PLEKHG4B: variants seen among roughly 807,000 people sequenced by gnomAD.
The protein encoded by PLEKHG4B is pleckstrin homology and RhoGEF domain containing G4B.
Under a neutral mutation model 121.3 loss-of-function variants are expected in PLEKHG4B, and 111 were observed. The ratio of observed to expected loss-of-function variants is 0.92; its 90% CI spans 0.78 to 1.07. The LOEUF (loss-of-function observed/expected upper bound fraction) is 1.07. Among genes scored for constraint, PLEKHG4B ranks in the 50% least tolerant of loss-of-function variants. The probability of loss-of-function intolerance (pLI) is 0.00; values close to 1 mark genes in which losing one functional copy is unlikely to be tolerated. For missense variants in PLEKHG4B, 1,831 were observed against 1,757.8 expected (o/e 1.04, Z -0.74); for synonymous variants, 738 against 725.0 (o/e 1.02, Z -0.29).
intron 3 of PLEKHG4B, among the ~76,000 whole-genome samples, chr5:141,711 ATTTTTTTT>A (rs34273619): frequency 7.1e-5 from 9 of 127,552 alleles, no homozygotes; most frequent in African/African-American, 2.4e-4. Context: ...TAAATATTTC[ATTTTTTTT>A]TTTTTTTTTT....
intron 7 of PLEKHG4B, among the ~76,000 whole-genome samples, chr5:154,237 C>T (rs576786507): frequency 3.9e-5 from 6 of 152,278 alleles, no homozygotes; most frequent in Admixed American, 3.9e-4. Context: ...ATCTCCTGAC[C>T]TCATTATCCG....
rs1174005381 is a variant in PLEKHG4B, at chr5:173,022, G to A, written c.4176G>A (p.Lys1392=). ...EDLILFSKTQ[K]VEGSHDVYLY... ...TCATCCTGTTTAGCAAGACCCAGAA[G>A]GTGGAGGGCAGCCACGACGTCTACC... Residue 1392 remains lysine (K), a synonymous_variant, in exon 17 of 20, where the codon AAG becomes AAA. Coordinates refer to ENST00000637938, the MANE Select transcript of PLEKHG4B (RefSeq NM_052909.5). The A allele has an allele frequency of 6.2e-7, 1 of 1,614,150 alleles. No individual in the cohort carries two copies. Among genetic ancestry groups the A allele is most frequent in the Non-Finnish European group, 8.5e-7 (1 of 1,180,036 alleles).
At position 92,171 on chromosome 5, in the gene PLEKHG4B, G is replaced by A; in HGVS notation, c.-61G>A. On this transcript the variant is annotated 5_prime_UTR_variant, in exon 1 of 20. Coordinates refer to ENST00000637938, the MANE Select transcript of PLEKHG4B (RefSeq NM_052909.5). Reference sequence around the variant, plus strand: ...GCGGCGAAGGCGGCCTCGGCCCAGTGCACAGCGGGACCAGGCAGAGTTCGG... The same window carrying A: ...GCGGCGAAGGCGGCCTCGGCCCAGTACACAGCGGGACCAGGCAGAGTTCGG... The A allele has an allele frequency of 2.7e-6, 1 of 368,654 alleles. No homozygotes were observed. Among genetic ancestry groups the A allele is most frequent in the Non-Finnish European group, 4.8e-6 (1 of 207,390 alleles). 22.8% of individuals were successfully genotyped at this position (368,654 alleles called of 1,614,324 possible). A position where few individuals can be genotyped will look rare whatever the true frequency, so the allele number is the denominator to read the frequency against.
intron 13 of PLEKHG4B, among the ~76,000 whole-genome samples, chr5:165,041 C>CAG (rs1323967520): frequency 3.8e-5 from 3 of 78,362 alleles, no homozygotes; most frequent in African/African-American, 1.1e-4. Flanking sequence ...GGAGCTCACA[C>CAG]TAATGCTCTG....
At chr5:141,671 AAAGT>A (rs113559970) in intron 3 of PLEKHG4B, among the ~76,000 whole-genome samples, 12 of 152,176 alleles carry the variant, frequency 7.9e-5, no homozygotes, top group South Asian at 4.2e-4. Context: ...TGCAGGACAT[AAAGT>A]AAGAAAATAA....
chr5:164,747 C>T (rs530622151), intron 13 of PLEKHG4B, among the ~76,000 whole-genome samples: 3 of 130,264 alleles, frequency 2.3e-5, no homozygotes, highest in Non-Finnish European at 3.3e-5. Context: ...CGGGGCGGGG[C>T]TCACAGTAAT....
At chr5:117,738 A>C (rs1734345718) in intron 2 of PLEKHG4B, among the ~76,000 whole-genome samples, 2 of 152,180 alleles carry the variant, frequency 1.3e-5, no homozygotes. Context: ...CTGTAGTCCC[A>C]GCTACTCAGG....
At chr5:173,131 C>T in intron 17 of PLEKHG4B, 64 bp downstream of exon 17, 1 of 1,515,668 alleles carries the variant, frequency 6.6e-7, no homozygotes, top group Non-Finnish European at 9.1e-7. Context: ...GTCTCGGACC[C>T]TTGTCTCACC....
chr5:139,101 G>T lies in PLEKHG4B; in HGVS notation c.244-382G>T, dbSNP rs1387128977. Among the ~76,000 whole-genome samples, 1 of 152,200 alleles carries T rather than the reference G, an allele frequency of 6.6e-6. No homozygotes were observed. The highest frequency in any genetic ancestry group is 1.5e-5 in the Non-Finnish European group (1 of 68,028). ...CATAGGGTGGCCCTGACCAGGGCTG[G>T]CAGGGGCAAGTGTGGACGCCCGGCC... is the stretch of plus-strand genomic sequence containing the variant. On this transcript the variant is annotated intron_variant, in intron 2 of 19. Transcript: ENST00000637938. This position sits in a 1 kb window ranked among gnomAD's most constrained non-coding sequence, Gnocchi z 5.0.
At chr5:131,732 A>G (rs764489369) in intron 2 of PLEKHG4B, among the ~76,000 whole-genome samples, 92 of 152,322 alleles carry the variant, frequency 6.0e-4, no homozygotes, top group Non-Finnish European at 7.4e-4. Flanking sequence ...TCCCACCAAC[A>G]GTGTAAAAGT....
At chr5:143,281 T>G (rs751415794) in intron 4 of PLEKHG4B, 25 bp downstream of exon 4, 1 of 1,609,282 alleles carries the variant, frequency 6.2e-7, no homozygotes, top group Non-Finnish European at 8.5e-7. Flanking sequence ...CAGGCTCTCC[T>G]GTCAGGGCGG....
At chr5:142,557 C>T (rs1483831110) in intron 3 of PLEKHG4B, among the ~76,000 whole-genome samples, 3 of 151,968 alleles carry the variant, frequency 2.0e-5, no homozygotes, top group African/African-American at 7.2e-5. Context: ...AAATACCACA[C>T]ACACAGTCAC....
intron 1 of PLEKHG4B, among the ~76,000 whole-genome samples, chr5:109,397 CAAAAAA>C (rs34972342): frequency 3.4e-4 from 21 of 61,818 alleles, no homozygotes; most frequent in African/African-American, 1.6e-3. Context: ...ACTCTGTCTC[CAAAAAA>C]AAAAAAAAAA....
chr5:154,959 T>TA lies in PLEKHG4B; in HGVS notation c.2078dup (p.Tyr693Ter). ...LTADLDGSFPYSHGDWICFRQ... is the reference protein window; with the variant it reads ...LTADLDGSFP The stretch of plus-strand genomic sequence containing the variant: ...CGCAGACCTCGACGGCTCCTTTCCC[T>TA]ACAGCCATGGTGACTGGATCTGCTT... Residue 693 changes from tyrosine (Y) to a stop codon, truncating the protein, a stop_gained and frameshift_variant, in exon 8 of 20, where the codon TAC becomes TAAC. Coordinates refer to ENST00000637938, the MANE Select transcript of PLEKHG4B (RefSeq NM_052909.5). LOFTEE classifies it high-confidence loss of function. 6.2e-7 allele frequency: 1 copy of TA among 1,613,496 alleles called. No homozygotes were observed. The highest frequency in any genetic ancestry group is 8.5e-7 in the Non-Finnish European group (1 of 1,180,020).
chr5:150,695 T>C (rs1240695741), intron 6 of PLEKHG4B, among the ~76,000 whole-genome samples: 1 of 152,098 alleles, frequency 6.6e-6, no homozygotes, highest in Non-Finnish European at 1.5e-5. Context: ...CATTAATCAC[T>C]GGGGAAATGC....
chr5:132,020 C>T (rs1343675354), intron 2 of PLEKHG4B, among the ~76,000 whole-genome samples: 1 of 151,992 alleles, frequency 6.6e-6, no homozygotes, highest in Non-Finnish European at 1.5e-5. Context: ...ACTATCTCAA[C>T]ATAATAAAAG....
At chr5:105,756 G>A (rs904388969) in intron 1 of PLEKHG4B, among the ~76,000 whole-genome samples, 2 of 152,172 alleles carry the variant, frequency 1.3e-5, no homozygotes, top group Non-Finnish European at 2.9e-5. Flanking sequence ...TAATTAAGCC[G>A]ACACATTTTG....
In PLEKHG4B at chr5:156,348, C is replaced by T. The variant is rs1054123296; in HGVS notation, c.2348+138C>T. 1.2e-5 allele frequency: 12 copies of T among 1,000,708 alleles called. No homozygotes were observed. In the South Asian group the frequency reaches 1.7e-4, roughly 14 times the overall value. 62.0% of individuals were successfully genotyped at this position (1,000,708 alleles called of 1,614,324 possible). A position where few individuals can be genotyped will look rare whatever the true frequency, so the allele number is the denominator to read the frequency against. On this transcript the variant is annotated intron_variant, in intron 10 of 19. Coordinates refer to ENST00000637938, the MANE Select transcript of PLEKHG4B (RefSeq NM_052909.5). This position sits in a 1 kb window ranked among gnomAD's most constrained non-coding sequence, Gnocchi z 4.4. ...GTCCAGACCTCCATTCTGACAGCCA[C>T]GCTTTGCCTGGGTCAGAGCTTTTCC...
intron 14 of PLEKHG4B, 99 bp downstream of exon 14, chr5:169,691 T>C: frequency 6.6e-7 from 1 of 1,524,712 alleles, no homozygotes; most frequent in Non-Finnish European, 8.8e-7. Context: ...GCGGTTGGAA[T>C]AGCTTCAGTC....
Sources: gnomAD v4.1 joint callset for allele counts (sites outside exome capture counted in the v4.1 genomes callset) on GRCh38, gnomAD v4.1.1 for gene constraint, Gnocchi (gnomAD v3.1) non-coding constraint, MANE v1.5 for transcripts, NCBI Gene and HGNC (gene_info 2026-07-23, HGNC 2026-07-21) for gene names.